Variants in PLD5 observed in about 807,000 individuals in gnomAD.
The protein encoded by PLD5 is inactive phospholipase D5.
A neutral mutation model predicts 61.1 loss-of-function variants in PLD5; 36 were observed. That is an observed-to-expected ratio of 0.59 (90% confidence interval 0.45 to 0.78). The LOEUF (loss-of-function observed/expected upper bound fraction) is 0.78. PLD5 is among the 30% of genes least tolerant of loss of function. The probability of loss-of-function intolerance (pLI) is 0.00; values close to 1 mark genes in which losing one functional copy is unlikely to be tolerated. For synonymous variants in PLD5, 243 were observed against 242.8 expected (o/e 1.00, Z -0.01); for missense variants, 515 against 644.4 (o/e 0.80, Z 2.17).
intron 1 of PLD5, among the ~76,000 whole-genome samples, chr1:242,367,449 C>T (rs987492129): frequency 3.3e-5 from 5 of 152,140 alleles, no homozygotes; most frequent in Non-Finnish European, 7.3e-5. Flanking sequence ...CTTCTGCCCT[C>T]TCTGTTGAGC....
intron 1 of PLD5, among the ~76,000 whole-genome samples, chr1:242,355,851 G>A (rs1358507037): frequency 6.6e-6 from 1 of 151,948 alleles, no homozygotes; most frequent in Non-Finnish European, 1.5e-5. Context: ...CTGATCAACT[G>A]GCTATTCAGG....
chr1:242,156,688 C>A (rs1228163432), intron 5 of PLD5, among the ~76,000 whole-genome samples: 3 of 152,196 alleles, frequency 2.0e-5, no homozygotes, highest in Admixed American at 2.0e-4. Context: ...CCCCTACTCT[C>A]TTCTGGCTTG....
In PLD5 at chr1:242,394,679, T is replaced by C. The variant is rs1413683061; in HGVS notation, c.190-46437A>G. ...GTGAACATATATATGTGTATATATG[T>C]GAACATATATGTGTATATATGTGAA... On this transcript the variant is annotated intron_variant, in intron 1 of 9. Transcript: ENST00000536534. Among the ~76,000 whole-genome samples, 2 of 44,438 alleles carry C rather than the reference T, an allele frequency of 4.5e-5. 1 individual carries two copies. Among genetic ancestry groups the C allele is most frequent in the South Asian group, 1.9e-3 (2 of 1,056 alleles). 29.2% of individuals were successfully genotyped at this position (44,438 alleles called of 152,430 possible). A position where few individuals can be genotyped will look rare whatever the true frequency, so the allele number is the denominator to read the frequency against.
intron 4 of PLD5, among the ~76,000 whole-genome samples, chr1:242,235,286 T>A (rs1671564341): frequency 6.6e-6 from 1 of 152,220 alleles, no homozygotes; most frequent in Non-Finnish European, 1.5e-5. Context: ...TCACCTTTAG[T>A]ATTCCCTTCA....
At position 242,128,058 on chromosome 1, in the gene PLD5, T is replaced by C. The variant is rs146468929; in HGVS notation, c.736-3393A>G. Reference sequence around the variant, plus strand: ...CTTGGAAAACTGCTCAAAGCTTGCATGAGAATATGCTATTTAAAGTCAGGC... The same window carrying C: ...CTTGGAAAACTGCTCAAAGCTTGCACGAGAATATGCTATTTAAAGTCAGGC... On this transcript the variant is annotated intron_variant, in intron 5 of 9. Transcript: ENST00000536534. Among the ~76,000 whole-genome samples the C allele has an allele frequency of 4.4e-3, 672 of 152,300 alleles. 6 individuals are homozygous for C. The highest frequency in any genetic ancestry group is 0.018 in the South Asian group (87 of 4,820).
intron 4 of PLD5, among the ~76,000 whole-genome samples, chr1:242,226,039 C>A (rs1670920056): frequency 6.6e-6 from 1 of 152,188 alleles, no homozygotes; most frequent in South Asian, 2.1e-4. Flanking sequence ...TTGCCAGAAC[C>A]TGGTACTACA....
intron 5 of PLD5, among the ~76,000 whole-genome samples, chr1:242,150,292 TAC>T (rs1664839683): frequency 6.6e-6 from 1 of 151,810 alleles, no homozygotes; most frequent in African/African-American, 2.4e-5. Flanking sequence ...TGTTTTGGGA[TAC>T]AGTGTTCTAT....
At chr1:242,293,250 T>C (rs907154462) in intron 2 of PLD5, among the ~76,000 whole-genome samples, 1 of 152,022 alleles carries the variant, frequency 6.6e-6, no homozygotes, top group African/African-American at 2.4e-5. Context: ...ACTGGAGATA[T>C]TGGAGGAGGA....
At chr1:242,185,293 A>G (rs920737171) in intron 5 of PLD5, among the ~76,000 whole-genome samples, 3 of 152,148 alleles carry the variant, frequency 2.0e-5, no homozygotes, top group African/African-American at 4.8e-5. Flanking sequence ...TCCAACAACA[A>G]CAACAACAAG....
intron 2 of PLD5, among the ~76,000 whole-genome samples, chr1:242,339,728 C>A (rs756633573): frequency 6.6e-6 from 1 of 152,124 alleles, no homozygotes; most frequent in African/African-American, 2.4e-5. Context: ...ATCTCTTCCT[C>A]TGAGATAAAA....
At chr1:242,171,503 C>T (rs1468830207) in intron 5 of PLD5, among the ~76,000 whole-genome samples, 3 of 152,072 alleles carry the variant, frequency 2.0e-5, no homozygotes, top group Admixed American at 2.0e-4. Context: ...AAATAATCAG[C>T]TAGCATCACA....
At chr1:242,121,068 AT>A (rs1301728282) in intron 6 of PLD5, among the ~76,000 whole-genome samples, 15 of 152,218 alleles carry the variant, frequency 9.9e-5, no homozygotes, top group African/African-American at 3.4e-4. Flanking sequence ...GCTTATAAAA[AT>A]ATACTATTTT....
intron 4 of PLD5, among the ~76,000 whole-genome samples, chr1:242,242,265 G>T (rs384396): frequency 6.6e-6 from 1 of 151,768 alleles, no homozygotes. Context: ...ATTTCATCAT[G>T]ATATACACCT....
chr1:242,313,753 AC>A (rs1676841546), intron 2 of PLD5, among the ~76,000 whole-genome samples: 1 of 152,120 alleles, frequency 6.6e-6, no homozygotes. Flanking sequence ...ATTTTGATGA[AC>A]AAATACAATG....
At chr1:242,185,125 G>A (rs1205630389) in intron 5 of PLD5, among the ~76,000 whole-genome samples, 1 of 152,106 alleles carries the variant, frequency 6.6e-6, no homozygotes, top group Non-Finnish European at 1.5e-5. Context: ...GGAATCCACC[G>A]GGAACACATA....
intron 5 of PLD5, among the ~76,000 whole-genome samples, chr1:242,154,010 C>T (rs1665146378): frequency 6.6e-6 from 1 of 152,046 alleles, no homozygotes; most frequent in Non-Finnish European, 1.5e-5. Flanking sequence ...TGTTTGTGTC[C>T]TCTCTTATTT....
At chr1:242,098,908 G>A (rs1004926126) in intron 9 of PLD5, among the ~76,000 whole-genome samples, 23 of 152,136 alleles carry the variant, frequency 1.5e-4, no homozygotes, top group African/African-American at 4.8e-4. Context: ...CTGCCTGATC[G>A]TTCCTCTGGA....
At chr1:242,480,567 C>T (rs1055670146) in intron 1 of PLD5, among the ~76,000 whole-genome samples, 1 of 151,988 alleles carries the variant, frequency 6.6e-6, no homozygotes, top group Non-Finnish European at 1.5e-5. Flanking sequence ...AATACGCAAA[C>T]TACAGAGCTG....
intron 1 of PLD5, among the ~76,000 whole-genome samples, chr1:242,368,634 T>C (rs932360069): frequency 3.3e-5 from 5 of 152,176 alleles, no homozygotes; most frequent in African/African-American, 9.7e-5. Flanking sequence ...CCCAGTCTTT[T>C]ATTATGCAGG....
Sources: allele counts gnomAD v4.1 joint callset (sites outside exome capture counted in the v4.1 genomes callset), GRCh38; gene constraint gnomAD v4.1.1; transcripts MANE v1.5; gene names NCBI Gene and HGNC (gene_info 2026-07-23, HGNC 2026-07-21).